The following SCHIP1 variants were observed in gnomAD, a reference collection of about 807,000 sequenced individuals.
SCHIP1 encodes schwannomin interacting protein 1.
A neutral mutation model predicts 29.7 loss-of-function variants in SCHIP1; 8 were observed. The ratio of observed to expected loss-of-function variants is 0.27; its 90% CI spans 0.16 to 0.49. SCHIP1 has a LOEUF of 0.49. Among genes scored for constraint, SCHIP1 ranks in the 20% least tolerant of loss-of-function variants. SCHIP1 has a pLI of 0.99. For missense variants in SCHIP1, 193 were observed against 294.6 expected, an observed-to-expected ratio of 0.66 and a Z score of 2.52; for synonymous variants, 76 against 94.9, an observed-to-expected ratio of 0.80 and a Z score of 1.16.
chr3:159,695,808 C>T, the SCHIP1 span, among the ~76,000 whole-genome samples: 1 of 152,152 alleles, frequency 6.6e-6, no homozygotes, highest in Non-Finnish European at 1.5e-5. Context: ...AGTGAAGAGA[C>T]CACTATCCAT....
the SCHIP1 span, among the ~76,000 whole-genome samples, chr3:159,651,329 A>G: frequency 2.0e-5 from 3 of 152,206 alleles, no homozygotes; most frequent in Non-Finnish European, 4.4e-5. Flanking sequence ...CTGAAACTTA[A>G]GAGAAACAGC....
At chr3:159,846,354 A>T (rs939345178) in intron 1 of SCHIP1, among the ~76,000 whole-genome samples, 2 of 152,190 alleles carry the variant, frequency 1.3e-5, no homozygotes, top group African/African-American at 4.8e-5. Context: ...TTTAAGTAGT[A>T]TATCATGATA....
the SCHIP1 span, among the ~76,000 whole-genome samples, chr3:159,501,426 T>G: frequency 1.3e-5 from 2 of 152,238 alleles, no homozygotes; most frequent in African/African-American, 4.8e-5. Context: ...AATTTACATT[T>G]TATTGCTGAT....
At chr3:159,392,759 G>A in the SCHIP1 span, among the ~76,000 whole-genome samples, 1 of 152,038 alleles carries the variant, frequency 6.6e-6, no homozygotes, top group East Asian at 1.9e-4. Flanking sequence ...TGTGAATAGA[G>A]CCGCAATAAA....
At chr3:159,329,907 A>G in the SCHIP1 span, among the ~76,000 whole-genome samples, 1 of 151,692 alleles carries the variant, frequency 6.6e-6, no homozygotes, top group Non-Finnish European at 1.5e-5. Flanking sequence ...CTTAAGTTCT[A>G]TTAAGTTAGA....
At chr3:159,359,093 A>G in the SCHIP1 span, among the ~76,000 whole-genome samples, 1 of 151,546 alleles carries the variant, frequency 6.6e-6, no homozygotes, top group Non-Finnish European at 1.5e-5. Context: ...ATGCCCAGCT[A>G]ATTTTTTGTA....
At chr3:159,453,745 T>C in the SCHIP1 span, among the ~76,000 whole-genome samples, 1 of 152,184 alleles carries the variant, frequency 6.6e-6, no homozygotes, top group East Asian at 1.9e-4. Context: ...CTTGATTGAG[T>C]GCCTGACCCT....
the SCHIP1 span, among the ~76,000 whole-genome samples, chr3:159,535,337 A>G: frequency 2.0e-5 from 3 of 152,120 alleles, no homozygotes; most frequent in Non-Finnish European, 4.4e-5. Context: ...TACTATTCAA[A>G]AGATCTCTCA....
At chr3:159,314,031 G>A in the SCHIP1 span, among the ~76,000 whole-genome samples, 2 of 152,090 alleles carry the variant, frequency 1.3e-5, no homozygotes, top group Admixed American at 1.3e-4. Context: ...TATTATCTTT[G>A]TTCACTTGTA....
exon 6 of SCHIP1, chr3:159,892,187 C>T (rs879735709): frequency 6.2e-7 from 1 of 1,614,076 alleles, no homozygotes; most frequent in Admixed American, 1.7e-5. Context: ...GAAGACTTGA[C>T]CAGGTCAGTG....
At chr3:159,664,694 A>G in the SCHIP1 span, among the ~76,000 whole-genome samples, 1 of 152,318 alleles carries the variant, frequency 6.6e-6, no homozygotes, top group South Asian at 2.1e-4. Flanking sequence ...GGGTAGAGAG[A>G]GCACCATGTA....
chr3:159,283,740 T>C, the SCHIP1 span, among the ~76,000 whole-genome samples: 51 of 152,340 alleles, frequency 3.3e-4, no homozygotes, highest in Middle Eastern at 6.8e-3. Context: ...TAGTGGATTC[T>C]TTCGAGGTTG....
chr3:159,445,641 T>G, the SCHIP1 span, among the ~76,000 whole-genome samples: 6 of 152,212 alleles, frequency 3.9e-5, no homozygotes, highest in Non-Finnish European at 8.8e-5. Flanking sequence ...TGTCCAACCA[T>G]GATAGACTGG....
chr3:159,814,237 G>C, the SCHIP1 span, among the ~76,000 whole-genome samples: 1 of 152,156 alleles, frequency 6.6e-6, no homozygotes, highest in Non-Finnish European at 1.5e-5. Flanking sequence ...CACTTTGAAC[G>C]CCCAGCCCCG....
At chr3:159,573,877 A>AC in the SCHIP1 span, among the ~76,000 whole-genome samples, 2 of 152,144 alleles carry the variant, frequency 1.3e-5, no homozygotes, top group African/African-American at 4.8e-5. Flanking sequence ...AATCATGGAT[A>AC]CCCTTTCTTC....
chr3:159,543,628 T>G, the SCHIP1 span, among the ~76,000 whole-genome samples: 1 of 151,836 alleles, frequency 6.6e-6, no homozygotes, highest in Non-Finnish European at 1.5e-5. Flanking sequence ...TGTTGGACAT[T>G]TGGGTTGGTT....
chr3:159,708,468 T>C, the SCHIP1 span, among the ~76,000 whole-genome samples: 1 of 152,070 alleles, frequency 6.6e-6, no homozygotes, highest in Non-Finnish European at 1.5e-5. Context: ...AGAGAGAGGA[T>C]GAATTTTTTT....
At chr3:159,421,942 C>T in the SCHIP1 span, among the ~76,000 whole-genome samples, 12 of 151,780 alleles carry the variant, frequency 7.9e-5, no homozygotes, top group African/African-American at 2.4e-4. Context: ...AAAGAGAGGT[C>T]GGGGAAAGAA....
the SCHIP1 span, among the ~76,000 whole-genome samples, chr3:159,558,219 C>A: frequency 6.6e-6 from 1 of 152,122 alleles, no homozygotes; most frequent in Non-Finnish European, 1.5e-5. Context: ...TTCCTAAATA[C>A]CAGCTAGAGA....
Sources: gnomAD v4.1 joint callset for allele counts (sites outside exome capture counted in the v4.1 genomes callset) on GRCh38, gnomAD v4.1.1 for gene constraint, MANE v1.5 for transcripts, NCBI Gene and HGNC (gene_info 2026-07-23, HGNC 2026-07-21) for gene names.